Variants in CSMD1 observed in about 807,000 individuals in gnomAD.
The protein encoded by CSMD1 is CUB and sushi domain-containing protein 1.
CSMD1 carries 213 observed loss-of-function variants against 417.5 expected under a neutral mutation model. That is an observed-to-expected ratio of 0.51 (90% CI 0.46 to 0.57). The LOEUF is 0.57. Ranked by LOEUF, CSMD1 falls within the 20% of genes least tolerant of loss-of-function variation. CSMD1 has a pLI of 0.00. For synonymous variants in CSMD1, 2,862 were observed against 1,736.8 expected, an observed-to-expected ratio of 1.65 and a Z score of -16.11; for missense variants, 6,923 against 4,529.7, an observed-to-expected ratio of 1.53 and a Z score of -15.17.
rs114784844 is a variant in CSMD1, at chr8:4,759,925, C to T, written c.86-122367G>A. On this transcript the variant is annotated intron_variant, in intron 1 of 69. Transcript: ENST00000635120. ...TGACTTATATTTCTTTGGGTATATA[C>T]CTAAACATGGAATTACTAGGTCAAA... 1.6e-3 allele frequency among the ~76,000 whole-genome samples: 240 copies of T among 152,224 alleles called. 2 individuals are homozygous for T. The highest frequency in any genetic ancestry group is 5.2e-3 in the African/African-American group (215 of 41,520).
Position 4,193,827 on chromosome 8 carries a change from T to C in CSMD1, c.416-161728A>G, listed in dbSNP as rs551064510. 6.6e-5 allele frequency among the ~76,000 whole-genome samples: 10 copies of C among 152,060 alleles called. No individual in the cohort carries two copies. The South Asian group carries it at 2.1e-3, about 32-fold the overall frequency. ...TGGCGAGAAGAGCAGGAAAACAGAATACAGTTCAGCCGTGTTTCCCATTCA... is the reference window on the plus strand; with the variant it reads ...TGGCGAGAAGAGCAGGAAAACAGAACACAGTTCAGCCGTGTTTCCCATTCA... On this transcript the variant is annotated intron_variant, in intron 3 of 69. Coordinates refer to ENST00000635120, the MANE Select transcript of CSMD1 (RefSeq NM_033225.6).
intron 3 of CSMD1, among the ~76,000 whole-genome samples, chr8:4,292,444 G>C (rs12334788): frequency 0.011 from 1,614 of 152,130 alleles, 12 homozygotes; most frequent in Non-Finnish European, 0.017. Context: ...AATACAGACG[G>C]AATTTCACCG....
intron 1 of CSMD1, among the ~76,000 whole-genome samples, chr8:4,666,871 A>C (rs1804969657): frequency 6.6e-6 from 1 of 152,038 alleles, no homozygotes; most frequent in African/African-American, 2.4e-5. Flanking sequence ...TGATTTATCA[A>C]ACTCCTATTT....
At position 4,772,530 on chromosome 8, in the gene CSMD1, T is replaced by G. The variant is rs145885771; in HGVS notation, c.86-134972A>C. Among the ~76,000 whole-genome samples the G allele has an allele frequency of 1.3e-3, 201 of 152,324 alleles. 1 individual carries two copies. Among genetic ancestry groups the G allele is most frequent in the African/African-American group, 4.6e-3 (191 of 41,576 alleles). On this transcript the variant is annotated intron_variant, in intron 1 of 69. Coordinates refer to ENST00000635120, the MANE Select transcript of CSMD1 (RefSeq NM_033225.6). ...GATCTGGTATTACAGCATGGATATTTTGAGAAAAGTTTTTAGCAGTCACAT... is the reference window on the plus strand; with the variant it reads ...GATCTGGTATTACAGCATGGATATTGTGAGAAAAGTTTTTAGCAGTCACAT...
At chr8:4,089,399 A>C (rs1010441820) in intron 3 of CSMD1, among the ~76,000 whole-genome samples, 16 of 152,340 alleles carry the variant, frequency 1.1e-4, no homozygotes, top group African/African-American at 3.8e-4. Flanking sequence ...GAAGAAAATT[A>C]GTAAATGGTA....
intron 3 of CSMD1, among the ~76,000 whole-genome samples, chr8:4,357,748 G>A (rs10092429): frequency 0.06 from 9,089 of 152,032 alleles, 316 homozygotes; most frequent in African/African-American, 0.095. Context: ...AATTTTAAAG[G>A]TATATTGTAA....
chr8:4,362,315 G>A (rs1319659290), intron 3 of CSMD1, among the ~76,000 whole-genome samples: 2 of 152,108 alleles, frequency 1.3e-5, no homozygotes, highest in East Asian at 1.9e-4. Context: ...CCTTGGCCCT[G>A]GGGTTGTAAC....
chr8:3,203,698 T>C (rs574378387), intron 31 of CSMD1, among the ~76,000 whole-genome samples: 12 of 152,302 alleles, frequency 7.9e-5, no homozygotes, highest in African/African-American at 2.9e-4. Context: ...CTTTGCTCCA[T>C]AAATAACAGG....
At chr8:4,870,888 G>A (rs567807079) in intron 1 of CSMD1, among the ~76,000 whole-genome samples, 13 of 152,246 alleles carry the variant, frequency 8.5e-5, no homozygotes, top group Admixed American at 8.5e-4. Context: ...GTGTCACCTG[G>A]CCCTTTGGGC....
intron 3 of CSMD1, among the ~76,000 whole-genome samples, chr8:4,281,874 T>C (rs1040701902): frequency 6.6e-6 from 1 of 152,216 alleles, no homozygotes; most frequent in African/African-American, 2.4e-5. Flanking sequence ...AAAAATGTTT[T>C]GCAAATGACA....
intron 3 of CSMD1, among the ~76,000 whole-genome samples, chr8:4,177,006 C>T (rs1252203916): frequency 6.6e-6 from 1 of 152,024 alleles, no homozygotes; most frequent in Non-Finnish European, 1.5e-5. Context: ...CCACTGTCAA[C>T]ATTAGAAATA....
At chr8:3,806,603 G>A (rs1351061451) in intron 5 of CSMD1, among the ~76,000 whole-genome samples, 1 of 152,120 alleles carries the variant, frequency 6.6e-6, no homozygotes, top group Non-Finnish European at 1.5e-5. Context: ...CAGAGTAGTA[G>A]GAACAACATC....
At chr8:2,972,313 A>G (rs1804529805) in intron 57 of CSMD1, among the ~76,000 whole-genome samples, 1 of 152,216 alleles carries the variant, frequency 6.6e-6, no homozygotes, top group Non-Finnish European at 1.5e-5. Context: ...AGTTGGTAAA[A>G]TTATTTGGTT....
chr8:4,272,097 C>T (rs1231691335), intron 3 of CSMD1, among the ~76,000 whole-genome samples: 1 of 152,110 alleles, frequency 6.6e-6, no homozygotes, highest in Admixed American at 6.6e-5. Flanking sequence ...CAACTGTACA[C>T]CCACACCTGT....
At chr8:4,491,791 T>A (rs1801717347) in intron 2 of CSMD1, among the ~76,000 whole-genome samples, 5 of 151,972 alleles carry the variant, frequency 3.3e-5, no homozygotes, top group African/African-American at 1.2e-4. Context: ...AATGGTAGAG[T>A]CACGTTGGCA....
At chr8:3,398,948 C>A (rs996536136) in intron 16 of CSMD1, among the ~76,000 whole-genome samples, 6 of 152,038 alleles carry the variant, frequency 3.9e-5, no homozygotes, top group African/African-American at 1.2e-4. Context: ...CTGTCCGCAC[C>A]CCATTGCCCG....
intron 54 of CSMD1, among the ~76,000 whole-genome samples, chr8:2,990,361 T>C (rs1806270010): frequency 6.6e-6 from 1 of 152,198 alleles, no homozygotes; most frequent in Non-Finnish European, 1.5e-5. Flanking sequence ...GCAATAAATA[T>C]TTCATGTATA....
chr8:3,199,597 C>T, intron 33 of CSMD1, 117 bp downstream of exon 33: 1 of 474,564 alleles, frequency 2.1e-6, no homozygotes, highest in Non-Finnish European at 3.6e-6. Context: ...CCTTCAGCTC[C>T]TTAAATATTA....
intron 1 of CSMD1, among the ~76,000 whole-genome samples, chr8:4,824,625 G>T (rs1799712888): frequency 6.6e-6 from 1 of 152,124 alleles, no homozygotes; most frequent in Admixed American, 6.6e-5. Context: ...CTGTGTATGT[G>T]TGTGCGAACA....
Sources: gnomAD v4.1 joint callset for allele counts (sites outside exome capture counted in the v4.1 genomes callset) on GRCh38, gnomAD v4.1.1 for gene constraint, MANE v1.5 for transcripts, NCBI Gene and HGNC (gene_info 2026-07-23, HGNC 2026-07-21) for gene names.